Variants in FYB1 observed in about 807,000 individuals in gnomAD.
The protein encoded by FYB1 is FYN binding protein 1.
In FYB1, 41 loss-of-function variants were observed where a neutral mutation model predicts 94.1. The ratio of observed to expected loss-of-function variants is 0.44; its 90% confidence interval spans 0.34 to 0.57. FYB1 has a LOEUF of 0.57. Among genes scored for constraint, FYB1 ranks in the 20% least tolerant of loss-of-function variants. FYB1 has a pLI of 0.02. For missense variants in FYB1, 1,050 were observed against 976.8 expected (o/e 1.07, Z -1.00); for synonymous variants, 367 against 353.2 (o/e 1.04, Z -0.44).
chr5:39,247,071 CATATATATATATATATATATATATAT>C lies in FYB1; in HGVS notation c.-28+27306_-28+27331del, dbSNP rs3085950. On this transcript the variant is annotated intron_variant, in intron 1 of 1. Transcript: ENST00000510188. The stretch of plus-strand genomic sequence containing the variant: ...ATGGTGCACACACAAAATGCGTGTT[CATATATATATATATATATATATATAT>C]ATATATATATATATATATGACTATA... Among the ~76,000 whole-genome samples the C allele has an allele frequency of 1.6e-3, 105 of 65,624 alleles. 2 individuals carry two copies. Among genetic ancestry groups the C allele is most frequent in the Middle Eastern group, 0.027 (2 of 74 alleles). 43.1% of individuals were successfully genotyped at this position (65,624 alleles called of 152,430 possible). A position where few individuals can be genotyped will look rare whatever the true frequency, so the allele number is the denominator to read the frequency against.
chr5:39,166,977 G>A (rs1051967002), intron 2 of FYB1, among the ~76,000 whole-genome samples: 1 of 152,076 alleles, frequency 6.6e-6, no homozygotes, highest in Non-Finnish European at 1.5e-5. Context: ...AGAAAGGAGG[G>A]ACCCTGAGTC....
intron 2 of FYB1, among the ~76,000 whole-genome samples, chr5:39,189,184 T>G (rs544652350): frequency 1.3e-5 from 2 of 151,242 alleles, no homozygotes; most frequent in Admixed American, 6.6e-5. Context: ...GGAAAGAACC[T>G]GAAAGCTTTC....
Position 39,252,376 on chromosome 5 carries a change from A to G in FYB1, c.-28+22027T>C, listed in dbSNP as rs191046449. Among the ~76,000 whole-genome samples the G allele has an allele frequency of 7.2e-5, 11 of 152,340 alleles. No individual in the cohort carries two copies. The East Asian group carries it at 2.1e-3, about 29-fold the overall frequency. ...TTATGCAAAATGCATATACTTGTAGATAAAGACTGAATGGTCACATAATAT... is the reference window on the plus strand; with the variant it reads ...TTATGCAAAATGCATATACTTGTAGGTAAAGACTGAATGGTCACATAATAT... On this transcript the variant is annotated intron_variant, in intron 1 of 1. Coordinates refer to the FYB1 transcript ENST00000510188.
Position 39,214,329 on chromosome 5 carries a change from G to A in FYB1, c.-28+5114C>T, listed in dbSNP as rs73091073. On this transcript the variant is annotated intron_variant, in intron 1 of 18. Transcript: ENST00000512982. ...GTACAGCTGCTATAGAAAACAGTATGGTGGTTATTCAAAAAATTAAGCATA... is the reference window on the plus strand; with the variant it reads ...GTACAGCTGCTATAGAAAACAGTATAGTGGTTATTCAAAAAATTAAGCATA... Among the ~76,000 whole-genome samples, 470 of 152,296 alleles carry A rather than the reference G, an allele frequency of 3.1e-3. 4 individuals are homozygous for A. Among genetic ancestry groups the A allele is most frequent in the African/African-American group, 0.011 (452 of 41,572 alleles).
chr5:39,222,659 A>C (rs1750318087), upstream of FYB1, among the ~76,000 whole-genome samples: 1 of 152,218 alleles, frequency 6.6e-6, no homozygotes, highest in Admixed American at 6.5e-5. Context: ...AAACAACTAA[A>C]ATGCTATGAG....
chr5:39,252,107 T>C (rs1329385687), intron 1 of FYB1, among the ~76,000 whole-genome samples: 5 of 152,114 alleles, frequency 3.3e-5, no homozygotes, highest in Admixed American at 3.3e-4. Flanking sequence ...ATCGCGCCAC[T>C]GGACTCCAGC....
intron 2 of FYB1, among the ~76,000 whole-genome samples, chr5:39,172,727 G>A (rs764320877): frequency 3.4e-5 from 5 of 146,762 alleles, no homozygotes; most frequent in East Asian, 1.9e-4. Flanking sequence ...GTGTTAGTTC[G>A]CTTAGGATAG....
chr5:39,226,524 C>T (rs767139734), intron 1 of FYB1, among the ~76,000 whole-genome samples: 7 of 152,118 alleles, frequency 4.6e-5, no homozygotes, highest in Admixed American at 2.0e-4. Flanking sequence ...TCCACATTGT[C>T]TTACCCTTTG....
At chr5:39,188,425 G>T (rs1369633366) in intron 2 of FYB1, among the ~76,000 whole-genome samples, 1 of 151,962 alleles carries the variant, frequency 6.6e-6, no homozygotes, top group Non-Finnish European at 1.5e-5. Flanking sequence ...AAATATCTAT[G>T]GCTTAGAAAC....
chr5:39,221,588 G>T (rs1443222522), upstream of FYB1, among the ~76,000 whole-genome samples: 1 of 152,202 alleles, frequency 6.6e-6, no homozygotes, highest in East Asian at 1.9e-4. Flanking sequence ...AGTTGAGGAA[G>T]ACTTTACCTA....
intron 2 of FYB1, among the ~76,000 whole-genome samples, chr5:39,163,757 A>T (rs1200005427): frequency 6.6e-6 from 1 of 152,238 alleles, no homozygotes; most frequent in Non-Finnish European, 1.5e-5. Flanking sequence ...AAATGTCAGC[A>T]TATAAGAAAA....
At chr5:39,223,785 G>T (rs1163347157), upstream of FYB1, among the ~76,000 whole-genome samples, 2 of 152,168 alleles carry the variant, frequency 1.3e-5, no homozygotes, top group East Asian at 3.8e-4. Flanking sequence ...TAGAGTGGGG[G>T]TGGGTGTAGT....
chr5:39,187,544 T>C (rs1487677885), intron 2 of FYB1, among the ~76,000 whole-genome samples: 3 of 152,206 alleles, frequency 2.0e-5, no homozygotes, highest in African/African-American at 4.8e-5. Flanking sequence ...ACAGTTGCAC[T>C]TGGGCAATAA....
At chr5:39,164,703 C>A (rs1171435184) in intron 2 of FYB1, among the ~76,000 whole-genome samples, 1 of 152,134 alleles carries the variant, frequency 6.6e-6, no homozygotes, top group Non-Finnish European at 1.5e-5. Flanking sequence ...GTGTGAGCCA[C>A]CATGACTGGC....
chr5:39,133,779 TA>T lies in FYB1; in HGVS notation c.1817+428del, dbSNP rs1375717266. ...TTTAAGGAGCAAACTGGGGTTGCCATAAAAATCATTTTTTGTCGTATTTTCA... is the reference window on the plus strand; with the variant it reads ...TTTAAGGAGCAAACTGGGGTTGCCATAAAATCATTTTTTGTCGTATTTTCA... On this transcript the variant is annotated intron_variant, in intron 9 of 18. Transcript: ENST00000512982. Among the ~76,000 whole-genome samples, 6 of 152,260 alleles carry T rather than the reference TA, an allele frequency of 3.9e-5. No homozygotes were observed. The East Asian group carries it at 1.2e-3, about 29-fold the overall frequency.
chr5:39,119,752 T>A, intron 14 of FYB1, 118 bp from the exon 15 acceptor site: 4 of 1,212,658 alleles, frequency 3.3e-6, no homozygotes, highest in Non-Finnish European at 4.3e-6. Flanking sequence ...TTAATTCTTT[T>A]TGTTAGAAAT....
At chr5:39,215,686 A>AATTC in intron 1 of FYB1, among the ~76,000 whole-genome samples, 1 of 152,188 alleles carries the variant, frequency 6.6e-6, no homozygotes, top group South Asian at 2.1e-4. Context: ...GAGTGGCAGA[A>AATTC]ATTCAGTGGC....
At chr5:39,177,482 G>A (rs1424522763) in intron 2 of FYB1, among the ~76,000 whole-genome samples, 1 of 152,142 alleles carries the variant, frequency 6.6e-6, no homozygotes, top group Non-Finnish European at 1.5e-5. Context: ...TGACAGAGTT[G>A]GGCCCAGGAC....
chr5:39,240,308 CA>C (rs1751148499), intron 1 of FYB1, among the ~76,000 whole-genome samples: 1 of 152,064 alleles, frequency 6.6e-6, no homozygotes, highest in South Asian at 2.1e-4. Context: ...GCAATAAAAC[CA>C]AAAATTGACA....
Sources: gnomAD v4.1 joint callset for allele counts (sites outside exome capture counted in the v4.1 genomes callset) on GRCh38, gnomAD v4.1.1 for gene constraint, MANE v1.5 for transcripts, NCBI Gene and HGNC (gene_info 2026-07-23, HGNC 2026-07-21) for gene names.